Variants in SAMD5 observed in about 807,000 individuals in gnomAD.
SAMD5 encodes the protein sterile alpha motif domain-containing protein 5.
In SAMD5, 13 loss-of-function variants were observed where a neutral mutation model predicts 11.3. The observed-to-expected ratio is 1.15, with a 90% CI of 0.75 to 1.83. The LOEUF (loss-of-function observed/expected upper bound fraction) is 1.83. SAMD5 is among the 40% of genes most tolerant of loss of function. The pLI is 0.00. For synonymous variants in SAMD5, 129 were observed against 111.3 expected (o/e 1.16, Z -1.00); for missense variants, 255 against 239.1 (o/e 1.07, Z -0.44).
intron 1 of SAMD5, among the ~76,000 whole-genome samples, chr6:147,644,521 C>T (rs1028634639): frequency 1.3e-5 from 2 of 152,124 alleles, no homozygotes; most frequent in East Asian, 1.9e-4. Context: ...CAGGAATAAA[C>T]ACAATCTCAG....
the SAMD5 span, among the ~76,000 whole-genome samples, chr6:147,903,604 A>AT: frequency 6.6e-6 from 1 of 152,152 alleles, no homozygotes; most frequent in Non-Finnish European, 1.5e-5. Context: ...CATTAGATTT[A>AT]TTTTTTATGA....
At chr6:147,602,775 A>G (rs1789642296) in intron 1 of SAMD5, among the ~76,000 whole-genome samples, 1 of 69,442 alleles carries the variant, frequency 1.4e-5, no homozygotes, top group Admixed American at 1.7e-4. Context: ...ACAAAAACCA[A>G]CCAAACAAAA....
chr6:147,778,869 A>T, the SAMD5 span, among the ~76,000 whole-genome samples: 7 of 152,038 alleles, frequency 4.6e-5, no homozygotes, highest in Non-Finnish European at 1.0e-4. Flanking sequence ...AAAAAAATTG[A>T]TGAGTACAGG....
the SAMD5 span, among the ~76,000 whole-genome samples, chr6:147,776,285 A>G: frequency 6.6e-6 from 1 of 152,182 alleles, no homozygotes; most frequent in Non-Finnish European, 1.5e-5. Flanking sequence ...CCTAAAAATT[A>G]TTTCAAACTC....
At chr6:147,885,799 T>C in the SAMD5 span, among the ~76,000 whole-genome samples, 3 of 152,220 alleles carry the variant, frequency 2.0e-5, no homozygotes, top group South Asian at 2.1e-4. Context: ...ATGGTGATTA[T>C]ACAGCAGCTG....
the SAMD5 span, among the ~76,000 whole-genome samples, chr6:147,816,301 A>AAAAAAAAATATATATAT: frequency 9.0e-5 from 6 of 66,352 alleles, no homozygotes; most frequent in South Asian, 4.8e-4. Flanking sequence ...AAAAAAAAAA[A>AAAAAAAAATATATATAT]ATATATATAT....
At chr6:147,677,315 G>C (rs1385659558) in intron 1 of SAMD5, among the ~76,000 whole-genome samples, 1 of 152,160 alleles carries the variant, frequency 6.6e-6, no homozygotes, top group Non-Finnish European at 1.5e-5. Flanking sequence ...TGAAGTTCCT[G>C]AATGAGGTGG....
chr6:147,806,663 T>C, the SAMD5 span, among the ~76,000 whole-genome samples: 1 of 152,124 alleles, frequency 6.6e-6, no homozygotes, highest in Non-Finnish European at 1.5e-5. Context: ...TTGCTCTTAA[T>C]GTTTTTTGCA....
At chr6:147,528,187 G>C (rs1008999558) in intron 1 of SAMD5, among the ~76,000 whole-genome samples, 4 of 152,124 alleles carry the variant, frequency 2.6e-5, no homozygotes, top group African/African-American at 9.7e-5. Context: ...TATCACTCAG[G>C]AACCGGATAA....
chr6:147,555,786 CTT>C (rs1282833297), intron 1 of SAMD5, among the ~76,000 whole-genome samples: 1 of 152,138 alleles, frequency 6.6e-6, no homozygotes, highest in African/African-American at 2.4e-5. Context: ...TGGCAAGTGA[CTT>C]TTAAGAAACC....
the SAMD5 span, among the ~76,000 whole-genome samples, chr6:147,799,724 G>A: frequency 6.6e-6 from 1 of 151,094 alleles, no homozygotes; most frequent in Non-Finnish European, 1.5e-5. Context: ...CGTAGATTTG[G>A]TCTTTTCACA....
Position 147,653,317 on chromosome 6 carries a change from T to A in SAMD5, c.163-84000T>A, listed in dbSNP as rs559813563. Among the ~76,000 whole-genome samples the A allele has an allele frequency of 1.5e-4, 23 of 152,354 alleles. No homozygotes were observed. In the East Asian group the frequency reaches 2.1e-3, roughly 14 times the overall value. ...GGTTACCTTATTATTTGTTTTTAAT[T>A]CCATTTTCCTTTGATTGCCTCATTT... On this transcript the variant is annotated intron_variant, in intron 1 of 1. Coordinates refer to the SAMD5 transcript ENST00000566741.
At chr6:147,673,603 G>GTT (rs138562768) in intron 1 of SAMD5, among the ~76,000 whole-genome samples, 6 of 151,238 alleles carry the variant, frequency 4.0e-5, no homozygotes, top group Non-Finnish European at 8.9e-5. Context: ...ATGGTATCAG[G>GTT]TTTTTTTTTC....
At chr6:147,858,899 C>G in the SAMD5 span, among the ~76,000 whole-genome samples, 1,094 of 152,214 alleles carry the variant, frequency 7.2e-3, 13 homozygotes, top group East Asian at 0.055. Context: ...ACCATGGAGT[C>G]AAAAGTCCCT....
chr6:147,929,071 A>G, the SAMD5 span, among the ~76,000 whole-genome samples: 7 of 151,496 alleles, frequency 4.6e-5, no homozygotes, highest in African/African-American at 1.2e-4. Context: ...ATTGTTTTTC[A>G]TGGTAGTCTT....
the SAMD5 span, among the ~76,000 whole-genome samples, chr6:147,915,483 G>C: frequency 3.2e-4 from 49 of 152,206 alleles, no homozygotes; most frequent in Admixed American, 1.2e-3. Context: ...TGTAACCTAG[G>C]AGTCTACTTA....
chr6:147,861,418 G>A, the SAMD5 span, among the ~76,000 whole-genome samples: 815 of 151,872 alleles, frequency 5.4e-3, 10 homozygotes, highest in African/African-American at 0.018. Context: ...CGTCCGCCTC[G>A]GCCTCCCAAA....
chr6:147,796,404 C>A, the SAMD5 span, among the ~76,000 whole-genome samples: 4 of 152,082 alleles, frequency 2.6e-5, no homozygotes, highest in Admixed American at 6.5e-5. Context: ...TCTGAGGGCT[C>A]TGTTCCGTTC....
At chr6:147,593,886 G>C (rs79830708) in intron 1 of SAMD5, among the ~76,000 whole-genome samples, 2 of 152,152 alleles carry the variant, frequency 1.3e-5, no homozygotes, top group African/African-American at 2.4e-5. Flanking sequence ...CCAGCATTTT[G>C]GGAGGCCAAG....
Sources: gnomAD v4.1 joint callset for allele counts (sites outside exome capture counted in the v4.1 genomes callset) on GRCh38, gnomAD v4.1.1 for gene constraint, MANE v1.5 for transcripts, NCBI Gene and HGNC (gene_info 2026-07-23, HGNC 2026-07-21) for gene names.